The following TACC2 variants were observed in gnomAD, a reference collection of about 807,000 sequenced individuals.
TACC2 encodes transforming acidic coiled-coil containing protein 2.
TACC2 carries 137 observed loss-of-function variants against 227.3 expected under a neutral mutation model. That is an observed-to-expected ratio of 0.60 (90% CI 0.52 to 0.69). The LOEUF is 0.69. Among genes scored for constraint, TACC2 ranks in the 30% least tolerant of loss-of-function variants. The probability of loss-of-function intolerance (pLI) is 0.00; values close to 1 mark genes in which losing one functional copy is unlikely to be tolerated. For synonymous variants in TACC2, 1,523 were observed against 1,487.5 expected, an observed-to-expected ratio of 1.02 and a Z score of -0.55; for missense variants, 3,470 against 3,694.4, an observed-to-expected ratio of 0.94 and a Z score of 1.57.
At chr10:122,009,009 A>G (rs892319907) in intron 1 of TACC2, among the ~76,000 whole-genome samples, 1 of 152,222 alleles carries the variant, frequency 6.6e-6, no homozygotes, top group Admixed American at 6.5e-5. Context: ...AGACCAATGT[A>G]GGCCCTTTTC....
intron 16 of TACC2, among the ~76,000 whole-genome samples, chr10:122,233,547 G>A (rs1321210510): frequency 6.6e-6 from 1 of 152,188 alleles, no homozygotes; most frequent in Non-Finnish European, 1.5e-5. Flanking sequence ...AGAAGGAGTT[G>A]GGGCCACCTG....
chr10:122,217,044 A>G (rs2095420202), intron 11 of TACC2: 15 of 934,776 alleles, frequency 1.6e-5, no homozygotes, highest in Non-Finnish European at 2.0e-5. Context: ...GACTCCTGCT[A>G]AGAGCCAGCA....
intron 5 of TACC2, among the ~76,000 whole-genome samples, chr10:122,126,397 G>GT (rs1299125276): frequency 2.7e-5 from 4 of 149,998 alleles, no homozygotes; most frequent in Non-Finnish European, 4.4e-5. Flanking sequence ...CTTTTAGGTG[G>GT]TTCTTATGTC....
At position 122,056,710 on chromosome 10, in the gene TACC2, A is replaced by G. The variant is rs1341731384; in HGVS notation, c.146+6160A>G. Among the ~76,000 whole-genome samples the G allele has an allele frequency of 2.0e-5, 3 of 152,170 alleles. No homozygotes were observed. In the South Asian group the frequency reaches 6.2e-4, roughly 31 times the overall value. ...AGAGGCCATTCCAGGCAGGGGCAGAATTCCTGAACTGGACCTCTCTAGGGC... is the reference window on the plus strand; with the variant it reads ...AGAGGCCATTCCAGGCAGGGGCAGAGTTCCTGAACTGGACCTCTCTAGGGC... On this transcript the variant is annotated intron_variant, in intron 3 of 22. Transcript: ENST00000369005.
In TACC2 at chr10:122,211,078, C is replaced by T; in HGVS notation, c.6653C>T (p.Ser2218Phe). 2.5e-6 allele frequency: 4 copies of T among 1,612,724 alleles called. No homozygotes were observed. Among genetic ancestry groups the T allele is most frequent in the Non-Finnish European group, 2.5e-6 (3 of 1,179,512 alleles). The change falls in exon 9 of 23, where the codon TCT becomes TTT. Residue 2218 changes from serine to phenylalanine, a missense_variant. Around this residue, in one of 10 missense-constraint regions of TACC2, gnomAD observed 593 missense variants for 636.6 expected, o/e 0.93. Transcript: ENST00000369005. ...GCAGAAGGGGTTGTCCCCCCGGCTT[C>T]TGGAGGTGGCAGAGTGCAGAACTCA... ...ESAEGVVPPA[S>F]GGGRVQNSPP...
At chr10:122,042,779 G>T (rs2074464575) in intron 2 of TACC2, among the ~76,000 whole-genome samples, 1 of 152,206 alleles carries the variant, frequency 6.6e-6, no homozygotes, top group Non-Finnish European at 1.5e-5. Flanking sequence ...AAGCAGTAAA[G>T]CTTGGGTTTC....
chr10:122,249,511 A>T, intron 21 of TACC2, 33 bp from the exon 22 acceptor site: 1 of 1,608,600 alleles, frequency 6.2e-7, no homozygotes, highest in Non-Finnish European at 8.5e-7. Context: ...GATCCACAAA[A>T]GAGTGATAAT....
chr10:122,084,693 TG>T lies in TACC2; in HGVS notation c.2194del (p.Ala732HisfsTer13). Reference sequence around the variant, plus strand: ...TTCCACCAACTCCTGTTGCAGAGGTTGCACCCAAAGCCCAGGAAGGTGAGAG... The same window carrying T: ...TTCCACCAACTCCTGTTGCAGAGGTTCACCCAAAGCCCAGGAAGGTGAGAG... ...DFPPTPVAEV[A>X]PKAQEGESTL... On this transcript the variant is annotated frameshift_variant, in exon 4 of 23. Coordinates refer to ENST00000369005, the MANE Select transcript of TACC2 (RefSeq NM_206862.4). LOFTEE classifies it high-confidence loss of function. 1 of 1,613,652 alleles carries T rather than the reference TG, an allele frequency of 6.2e-7. No individual in the cohort carries two copies. The highest frequency in any genetic ancestry group is 1.1e-5 in the South Asian group (1 of 91,080).
chr10:122,088,111 T>A, intron 4 of TACC2, 152 bp downstream of exon 4: 1 of 833,750 alleles, frequency 1.2e-6, no homozygotes, highest in Non-Finnish European at 1.7e-6. Context: ...TTACCCCCTC[T>A]GGATGTCCTG....
chr10:121,996,518 G>A (rs993895194), intron 1 of TACC2, among the ~76,000 whole-genome samples: 1 of 152,184 alleles, frequency 6.6e-6, no homozygotes, highest in Non-Finnish European at 1.5e-5. Flanking sequence ...ATGAGATTTA[G>A]AGGAGACAAA....
rs143830637 is a variant in TACC2, at chr10:122,107,898, C to CTTT, written c.5573+19318_5573+19320dup. ...TATATATATTTTTTTTTTCTTTTTT[C>CTTT]TTTTTTTTTTTTTGAGACGGAGTCT... On this transcript the variant is annotated intron_variant, in intron 5 of 22. Coordinates refer to ENST00000369005, the MANE Select transcript of TACC2 (RefSeq NM_206862.4). Among the ~76,000 whole-genome samples the CTTT allele has an allele frequency of 1.7e-3, 182 of 108,442 alleles. 3 individuals carry two copies. Among genetic ancestry groups the CTTT allele is most frequent in the African/African-American group, 5.8e-3 (162 of 28,070 alleles). 71.1% of individuals were successfully genotyped at this position (108,442 alleles called of 152,430 possible). A position where few individuals can be genotyped will look rare whatever the true frequency, so the allele number is the denominator to read the frequency against.
chr10:122,177,710 C>T (rs554492587), intron 7 of TACC2, among the ~76,000 whole-genome samples: 2 of 152,284 alleles, frequency 1.3e-5, no homozygotes, highest in Non-Finnish European at 2.9e-5. Context: ...CGCAAACAAA[C>T]AGGATTATTC....
At chr10:122,008,675 C>T (rs540945149) in intron 1 of TACC2, among the ~76,000 whole-genome samples, 63 of 152,230 alleles carry the variant, frequency 4.1e-4, no homozygotes, top group African/African-American at 1.3e-3. Context: ...CGGGTTCATG[C>T]GATTCTCCTG....
intron 14 of TACC2, 101 bp downstream of exon 14, chr10:122,228,109 C>T: frequency 7.8e-7 from 1 of 1,277,256 alleles, no homozygotes; most frequent in Non-Finnish European, 1.1e-6. Context: ...ACTCACCTGG[C>T]ACCTGCCATG....
intron 7 of TACC2, among the ~76,000 whole-genome samples, chr10:122,166,795 A>G (rs10887096): frequency 0.11 from 16,787 of 152,216 alleles, 1,095 homozygotes; most frequent in East Asian, 0.29. Flanking sequence ...CTGGCAAAGA[A>G]GTTCTTGTAG....
chr10:122,026,911 A>T (rs993206447), intron 2 of TACC2, among the ~76,000 whole-genome samples: 12 of 152,210 alleles, frequency 7.9e-5, no homozygotes, highest in Non-Finnish European at 1.2e-4. Context: ...TTATAAATAA[A>T]ACTACTATAA....
At chr10:122,245,578 GA>G (rs1461789491) in intron 19 of TACC2, among the ~76,000 whole-genome samples, 1 of 152,182 alleles carries the variant, frequency 6.6e-6, no homozygotes, top group African/African-American at 2.4e-5. Flanking sequence ...TTGATTATTA[GA>G]GACATGTTGA....
intron 10 of TACC2, 91 bp downstream of exon 10, chr10:122,215,542 C>T (rs973598994): frequency 1.3e-5 from 14 of 1,114,808 alleles, no homozygotes; most frequent in Middle Eastern, 2.0e-4. Context: ...CTGCTCATCC[C>T]GGGCCTGTTT....
At position 122,163,690 on chromosome 10, in the gene TACC2, G is replaced by C. The variant is rs1185632189; in HGVS notation, c.5834+19984G>C. The C allele has an allele frequency of 9.3e-6, 10 of 1,077,732 alleles. No individual in the cohort carries two copies. In the East Asian group the frequency reaches 6.0e-4, roughly 65 times the overall value. The allele number at this position is 1,077,732 out of a possible 1,614,324, so 66.8% of individuals were successfully genotyped here. A position where few individuals can be genotyped will look rare whatever the true frequency, so the allele number is the denominator to read the frequency against. On this transcript the variant is annotated intron_variant, in intron 7 of 22. Transcript: ENST00000369005. ...GCGCACGCCGGCCACACTCGGGCGC[G>C]CGCCGGCCACACTCGCGCGCACACA...
Sources: gnomAD v4.1 joint callset for allele counts (sites outside exome capture counted in the v4.1 genomes callset) on GRCh38, gnomAD v4.1.1 for gene constraint, gnomAD v4.1.1 regional missense constraint, MANE v1.5 for transcripts, NCBI Gene and HGNC (gene_info 2026-07-23, HGNC 2026-07-21) for gene names.